Variants in FAM107B observed in about 807,000 individuals in gnomAD.
The protein encoded by FAM107B is family with sequence similarity 107 member B, also known as protein FAM107B.
A neutral mutation model predicts 31.5 loss-of-function variants in FAM107B; 21 were observed. The observed-to-expected ratio is 0.67, with a 90% CI of 0.47 to 0.96. The LOEUF (loss-of-function observed/expected upper bound fraction) is 0.96. FAM107B is among the 40% of genes least tolerant of loss of function. FAM107B has a pLI of 0.00. For synonymous variants in FAM107B, 157 were observed against 141.5 expected (o/e 1.11, Z -0.78); for missense variants, 452 against 377.1 (o/e 1.20, Z -1.64).
intron 1 of FAM107B, among the ~76,000 whole-genome samples, chr10:14,731,223 C>T (rs947545593): frequency 1.3e-5 from 2 of 152,244 alleles, no homozygotes; most frequent in South Asian, 2.1e-4. Flanking sequence ...AGAAAAGGTG[C>T]TTGCCCTGTG....
chr10:14,721,108 C>A (rs1224255877), intron 1 of FAM107B, among the ~76,000 whole-genome samples: 1 of 151,924 alleles, frequency 6.6e-6, no homozygotes, highest in Admixed American at 6.6e-5. Flanking sequence ...TGTTTTCTGT[C>A]CTTGTAATAG....
intron 2 of FAM107B, among the ~76,000 whole-genome samples, chr10:14,586,623 G>C (rs753225519): frequency 2.4e-4 from 36 of 152,138 alleles, no homozygotes; most frequent in Non-Finnish European, 4.9e-4. Flanking sequence ...TACAAAACAC[G>C]AAGGGAGCCC....
At chr10:14,763,915 T>G (rs61842990) in intron 1 of FAM107B, among the ~76,000 whole-genome samples, 35,055 of 152,148 alleles carry the variant, frequency 0.23, 4,236 homozygotes, top group Non-Finnish European at 0.26. Context: ...AAGAGCCTCC[T>G]TAGACCGGGT....
intron 1 of FAM107B, among the ~76,000 whole-genome samples, chr10:14,703,140 A>G (rs55954679): frequency 0.052 from 7,908 of 152,052 alleles, 296 homozygotes; most frequent in Non-Finnish European, 0.079. Context: ...TTGGGCCCCA[A>G]TGGGATATGG....
chr10:14,649,198 A>G (rs1853838342), intron 2 of FAM107B, among the ~76,000 whole-genome samples: 1 of 152,244 alleles, frequency 6.6e-6, no homozygotes, highest in Admixed American at 6.5e-5. Flanking sequence ...AGAGACCATA[A>G]GACTGACAAA....
At chr10:14,741,599 C>T (rs150601329) in intron 1 of FAM107B, among the ~76,000 whole-genome samples, 1 of 151,892 alleles carries the variant, frequency 6.6e-6, no homozygotes, top group Admixed American at 6.6e-5. Flanking sequence ...AAATACCTTT[C>T]TTGAAAACCC....
At chr10:14,556,529 A>G in intron 2 of FAM107B, 2 of 495,936 alleles carry the variant, frequency 4.0e-6, no homozygotes, top group Non-Finnish European at 5.2e-6. Flanking sequence ...AGCCGTGCGC[A>G]ACGTTTAGAC....
chr10:14,729,904 T>C (rs1470810484), intron 1 of FAM107B, among the ~76,000 whole-genome samples: 3 of 152,148 alleles, frequency 2.0e-5, no homozygotes, highest in Non-Finnish European at 4.4e-5. Flanking sequence ...TAAATGAAGC[T>C]GGAAACCATC....
intron 3 of FAM107B, among the ~76,000 whole-genome samples, chr10:14,527,359 G>T (rs1309708752): frequency 6.6e-6 from 1 of 152,292 alleles, no homozygotes; most frequent in African/African-American, 2.4e-5. Context: ...TTACACACTA[G>T]AAAGAGCATA....
intron 2 of FAM107B, among the ~76,000 whole-genome samples, chr10:14,587,418 A>T (rs1301112524): frequency 6.6e-6 from 1 of 152,240 alleles, no homozygotes; most frequent in Non-Finnish European, 1.5e-5. Flanking sequence ...TAGCCCTAGA[A>T]GTCAAAATGT....
intron 2 of FAM107B, among the ~76,000 whole-genome samples, chr10:14,575,548 G>T (rs568043977): frequency 6.6e-6 from 1 of 152,220 alleles, no homozygotes; most frequent in East Asian, 1.9e-4. Flanking sequence ...TCAAGAAAAA[G>T]CACTGTGTGA....
chr10:14,657,408 T>A (rs1854090129), intron 2 of FAM107B, among the ~76,000 whole-genome samples: 1 of 152,152 alleles, frequency 6.6e-6, no homozygotes, highest in Non-Finnish European at 1.5e-5. Flanking sequence ...GATTGGCACA[T>A]CTTGAAATAG....
chr10:14,551,738 T>C (rs942632564), intron 2 of FAM107B, among the ~76,000 whole-genome samples: 2 of 152,200 alleles, frequency 1.3e-5, no homozygotes, highest in African/African-American at 4.8e-5. Context: ...TTATACCTGA[T>C]AACAACATAT....
chr10:14,611,061 C>T (rs751858280), intron 2 of FAM107B, among the ~76,000 whole-genome samples: 3 of 152,144 alleles, frequency 2.0e-5, no homozygotes, highest in Non-Finnish European at 2.9e-5. Context: ...CTCACATAAA[C>T]GACTACTGAA....
chr10:14,761,250 T>C (rs550664911), intron 1 of FAM107B, among the ~76,000 whole-genome samples: 24 of 152,330 alleles, frequency 1.6e-4, no homozygotes, highest in African/African-American at 5.8e-4. Flanking sequence ...GAAGATGCTA[T>C]GAAGAATCAA....
At chr10:14,577,278 A>G (rs73601322) in intron 2 of FAM107B, among the ~76,000 whole-genome samples, 1,620 of 152,322 alleles carry the variant, frequency 0.011, 29 homozygotes, top group African/African-American at 0.037. Context: ...AAGCATGCTC[A>G]TATTTGCATT....
intron 1 of FAM107B, among the ~76,000 whole-genome samples, chr10:14,711,351 G>T (rs1855642444): frequency 6.6e-6 from 1 of 152,192 alleles, no homozygotes; most frequent in Non-Finnish European, 1.5e-5. Context: ...AGTCCTGCAA[G>T]CTCCATTCAT....
chr10:14,698,011 G>A (rs2688834), intron 1 of FAM107B, among the ~76,000 whole-genome samples: 33,473 of 151,884 alleles, frequency 0.22, 4,089 homozygotes, highest in African/African-American at 0.32. Context: ...TGTAGTCCCA[G>A]CTACTCAGGA....
intron 2 of FAM107B, chr10:14,612,664 A>C (rs1398907318): frequency 6.6e-6 from 1 of 152,270 alleles, no homozygotes; most frequent in African/African-American, 2.4e-5. Context: ...AATAATTACA[A>C]GGACAAAATA....
Sources: allele counts gnomAD v4.1 joint callset (sites outside exome capture counted in the v4.1 genomes callset), GRCh38; gene constraint gnomAD v4.1.1; transcripts MANE v1.5; gene names NCBI Gene and HGNC (gene_info 2026-07-23, HGNC 2026-07-21).